CUL1: variants seen among roughly 807,000 people sequenced by gnomAD.
CUL1 encodes cullin 1, also known as cullin-1.
CUL1 carries 24 observed loss-of-function variants against 118.0 expected under a neutral mutation model. The ratio of observed to expected loss-of-function variants is 0.20; its 90% CI spans 0.15 to 0.29. The LOEUF is 0.29. Among genes scored for constraint, CUL1 ranks in the 10% least tolerant of loss-of-function variants. CUL1 has a pLI of 1.00. For missense variants in CUL1, 361 were observed against 933.8 expected, an observed-to-expected ratio of 0.39 and a Z score of 7.99; for synonymous variants, 332 against 340.4, an observed-to-expected ratio of 0.98 and a Z score of 0.27.
At chr7:148,714,331 AG>A (rs1798143294) in intron 1 of CUL1, among the ~76,000 whole-genome samples, 1 of 152,180 alleles carries the variant, frequency 6.6e-6, no homozygotes, top group African/African-American at 2.4e-5. Flanking sequence ...ATGTACTATA[AG>A]CAGTTTTTTC....
At chr7:148,708,565 G>A (rs1361595988) in intron 1 of CUL1, among the ~76,000 whole-genome samples, 1 of 152,218 alleles carries the variant, frequency 6.6e-6, no homozygotes, top group Non-Finnish European at 1.5e-5. Context: ...CTCCAGGGCA[G>A]GTATTGGGCT....
chr7:148,749,917 T>C (rs1799433860), intron 2 of CUL1, among the ~76,000 whole-genome samples: 1 of 152,174 alleles, frequency 6.6e-6, no homozygotes, highest in South Asian at 2.1e-4. Flanking sequence ...AATGCACAAA[T>C]GATAAGAAAG....
intron 1 of CUL1, among the ~76,000 whole-genome samples, chr7:148,712,894 G>A (rs749723976): frequency 1.3e-5 from 2 of 152,060 alleles, no homozygotes; most frequent in African/African-American, 2.4e-5. Context: ...AGTGCCTCTT[G>A]AATTATTTCT....
chr7:148,727,216 A>G (rs1031240702), intron 1 of CUL1, among the ~76,000 whole-genome samples: 1 of 152,224 alleles, frequency 6.6e-6, no homozygotes, highest in Non-Finnish European at 1.5e-5. Context: ...TGGGGTATGT[A>G]TACATTTGCA....
intron 1 of CUL1, among the ~76,000 whole-genome samples, chr7:148,726,848 A>T (rs1046339840): frequency 6.6e-6 from 1 of 151,182 alleles, no homozygotes; most frequent in East Asian, 1.9e-4. Context: ...AAAAAAAAAA[A>T]AATTTTTTTT....
intron 2 of CUL1, among the ~76,000 whole-genome samples, chr7:148,751,437 A>G (rs1449788941): frequency 1.3e-5 from 2 of 149,812 alleles, no homozygotes; most frequent in African/African-American, 4.9e-5. Flanking sequence ...AATCACATCT[A>G]CTCAGGAGAA....
At chr7:148,710,484 G>A (rs1433796272) in intron 1 of CUL1, among the ~76,000 whole-genome samples, 2 of 152,102 alleles carry the variant, frequency 1.3e-5, no homozygotes, top group Non-Finnish European at 1.5e-5. Flanking sequence ...CAGGAGAATC[G>A]CTTGAACCCG....
intron 9 of CUL1, among the ~76,000 whole-genome samples, chr7:148,771,089 T>C (rs1449780174): frequency 1.3e-5 from 2 of 152,234 alleles, no homozygotes; most frequent in East Asian, 3.8e-4. Flanking sequence ...AAGTGATTTT[T>C]TTTAAGTGCA....
At chr7:148,706,894 A>G (rs1467200320) in intron 1 of CUL1, among the ~76,000 whole-genome samples, 1 of 152,126 alleles carries the variant, frequency 6.6e-6, no homozygotes, top group Non-Finnish European at 1.5e-5. Context: ...GTGTTCTGTG[A>G]TATGTAAGGT....
At position 148,800,652 on chromosome 7, in the gene CUL1, A is replaced by G. The variant is rs749912580; in HGVS notation, c.*70A>G. The G allele has an allele frequency of 3.0e-5, 38 of 1,286,320 alleles. No individual in the cohort carries two copies. Among genetic ancestry groups the G allele is most frequent in the Non-Finnish European group, 4.0e-5 (36 of 895,460 alleles). 79.7% of individuals were successfully genotyped at this position (1,286,320 alleles called of 1,614,324 possible). A position where few individuals can be genotyped will look rare whatever the true frequency, so the allele number is the denominator to read the frequency against. On this transcript the variant is annotated 3_prime_UTR_variant, in exon 22 of 22. Coordinates refer to ENST00000325222, the MANE Select transcript of CUL1 (RefSeq NM_003592.3). The surrounding 1 kb of genome is among the most constrained non-coding windows in gnomAD (Gnocchi z 4.6). ...ATGTTGGAAAGAATGAAAACAACTC[A>G]AGTTCATAGCAGCCAGCCTGCCGCC...
chr7:148,745,147 A>G (rs1799271271), intron 2 of CUL1, among the ~76,000 whole-genome samples: 1 of 152,132 alleles, frequency 6.6e-6, no homozygotes. Context: ...AGACCATCCA[A>G]TGAGTAATTT....
chr7:148,790,346 G>A lies in CUL1; in HGVS notation c.1711G>A (p.Ala571Thr). ...RSYQRFTAFY[A>T]SRHSGRKLTW... ...TTATCAGCGATTCACAGCTTTCTAC[G>A]CCAGCCGCCACAGTGGCCGAAAATT... is the stretch of plus-strand genomic sequence containing the variant. Residue 571 changes from alanine to threonine, a missense_variant, in exon 16 of 22, where the codon GCC becomes ACC. Around this residue, in one of 7 missense-constraint regions of CUL1, gnomAD observed 84 missense variants for 203.3 expected, o/e 0.41. Coordinates refer to ENST00000325222, the MANE Select transcript of CUL1 (RefSeq NM_003592.3). 1.2e-6 allele frequency: 2 copies of A among 1,614,018 alleles called. No individual in the cohort carries two copies. The highest frequency in any genetic ancestry group is 1.1e-5 in the South Asian group (1 of 91,080).
In CUL1 at chr7:148,753,137, TTAGA is replaced by T. The variant is rs1463099098; in HGVS notation, c.141-836_141-833del. 3.3e-5 allele frequency among the ~76,000 whole-genome samples: 5 copies of T among 152,256 alleles called. No homozygotes were observed. In the East Asian group the frequency reaches 7.7e-4, roughly 23 times the overall value. On this transcript the variant is annotated intron_variant, in intron 2 of 21. Coordinates refer to ENST00000325222, the MANE Select transcript of CUL1 (RefSeq NM_003592.3). ...AAATATCTTGCCCTCATGCCATTTA[TTAGA>T]TAATCTATCTTTTACCCGTTGTCTT...
chr7:148,749,102 T>A (rs1211743175), intron 2 of CUL1, among the ~76,000 whole-genome samples: 1 of 152,100 alleles, frequency 6.6e-6, no homozygotes. Flanking sequence ...AACAAGGATT[T>A]GTAGAGAAAA....
At chr7:148,760,301 G>A in intron 6 of CUL1, 32 bp from the exon 7 acceptor site, 1 of 1,561,318 alleles carries the variant, frequency 6.4e-7, no homozygotes. Context: ...AAAAAATAGG[G>A]TAATTGAAAT....
At chr7:148,711,898 C>T (rs577681060) in intron 1 of CUL1, among the ~76,000 whole-genome samples, 2 of 152,158 alleles carry the variant, frequency 1.3e-5, no homozygotes, top group African/African-American at 4.8e-5. Context: ...GAGTTAATAG[C>T]GTTTGTGGTT....
At chr7:148,781,156 A>T (rs956565262) in intron 9 of CUL1, among the ~76,000 whole-genome samples, 2 of 130,276 alleles carry the variant, frequency 1.5e-5, no homozygotes, top group Non-Finnish European at 1.5e-5. Context: ...ATCTCGGCTC[A>T]CTGCATCCTC....
chr7:148,798,523 G>C, intron 19 of CUL1, 49 bp from the exon 20 acceptor site: 3 of 1,409,290 alleles, frequency 2.1e-6, no homozygotes, highest in Non-Finnish European at 2.0e-6. Context: ...AGCCTTCACT[G>C]CCTACCTTTT....
chr7:148,749,639 T>C (rs759910007), intron 2 of CUL1, among the ~76,000 whole-genome samples: 6 of 152,086 alleles, frequency 3.9e-5, no homozygotes, highest in Non-Finnish European at 7.4e-5. Flanking sequence ...TTCCCCCATC[T>C]CTCTTTGGCC....
Sources: allele counts gnomAD v4.1 joint callset (sites outside exome capture counted in the v4.1 genomes callset), GRCh38; gene constraint gnomAD v4.1.1; regional missense constraint gnomAD v4.1.1; non-coding constraint Gnocchi (gnomAD v3.1); transcripts MANE v1.5; gene names NCBI Gene and HGNC (gene_info 2026-07-23, HGNC 2026-07-21).